The following LAMP2 variants were observed in gnomAD, a reference collection of about 807,000 sequenced individuals.
LAMP2 encodes the protein lysosome associated membrane protein 2.
In LAMP2, 4 loss-of-function variants were observed where a neutral mutation model predicts 25.6. The ratio of observed to expected loss-of-function variants is 0.16; its 90% CI spans 0.08 to 0.36. The LOEUF (loss-of-function observed/expected upper bound fraction) is 0.36. LAMP2 is among the 10% of genes least tolerant of loss of function. The probability of loss-of-function intolerance (pLI) is 1.00; values close to 1 mark genes in which losing one functional copy is unlikely to be tolerated. For synonymous variants in LAMP2, 108 were observed against 112.7 expected, an observed-to-expected ratio of 0.96 and a Z score of 0.27; for missense variants, 272 against 301.4, an observed-to-expected ratio of 0.90 and a Z score of 0.72.
intron 6 of LAMP2, among the ~76,000 whole-genome samples, chrX:120,442,865 G>C (rs1390464433): frequency 8.9e-6 from 1 of 111,757 alleles, no homozygotes; most frequent in Non-Finnish European, 1.9e-5. Context: ...TCCAACTTTT[G>C]GAGCACAGGT....
At chrX:120,459,633 T>C (rs1363567104) in intron 1 of LAMP2, among the ~76,000 whole-genome samples, 1 of 112,594 alleles carries the variant, frequency 8.9e-6, no homozygotes, top group East Asian at 2.8e-4. Context: ...AATTCTGAGT[T>C]ACCCAATATA....
At chrX:120,460,865 C>T (rs747386260) in intron 1 of LAMP2, among the ~76,000 whole-genome samples, 34 of 112,072 alleles carry the variant, frequency 3.0e-4, no homozygotes, top group African/African-American at 1.1e-3. Flanking sequence ...ACAGGAGAAT[C>T]GTTTGAACCC....
At chrX:120,447,374 C>T (rs769438591) in intron 5 of LAMP2, among the ~76,000 whole-genome samples, 1 of 108,641 alleles carries the variant, frequency 9.2e-6, no homozygotes, top group South Asian at 4.0e-4. Context: ...TGCCACTGCA[C>T]TCCAGCCTGG....
At chrX:120,443,910 G>A (rs910278577) in intron 6 of LAMP2, among the ~76,000 whole-genome samples, 4 of 110,405 alleles carry the variant, frequency 3.6e-5, no homozygotes, top group Non-Finnish European at 7.6e-5. Flanking sequence ...GAATCTGGGA[G>A]GCGGAGGTTG....
At chrX:120,432,120 T>G (rs1257427700) in intron 8 of LAMP2, among the ~76,000 whole-genome samples, 2 of 111,384 alleles carry the variant, frequency 1.8e-5, no homozygotes, top group African/African-American at 6.5e-5. Context: ...CCTTATTACA[T>G]AAGACACACT....
intron 3 of LAMP2, among the ~76,000 whole-genome samples, chrX:120,451,654 CAG>C (rs1310593450): frequency 9.0e-6 from 1 of 110,787 alleles, no homozygotes; most frequent in Non-Finnish European, 1.9e-5. Flanking sequence ...TTAGTAGAGA[CAG>C]GGTTTCACCA....
intron 3 of LAMP2, among the ~76,000 whole-genome samples, chrX:120,451,774 G>C (rs184226223): frequency 2.5e-3 from 278 of 111,680 alleles, no homozygotes; most frequent in Non-Finnish European, 4.7e-3. Flanking sequence ...CCATAAATTA[G>C]TATTCTTGAA....
At chrX:120,440,282 C>T (rs1043330069) in intron 8 of LAMP2, among the ~76,000 whole-genome samples, 1 of 111,788 alleles carries the variant, frequency 8.9e-6, no homozygotes, top group Non-Finnish European at 1.9e-5. Flanking sequence ...AGCGTGCTTA[C>T]TGCATTTCTT....
chrX:120,427,196 T>C lies in LAMP2; in HGVS notation c.*4127A>G, dbSNP rs2058502234. Among the ~76,000 whole-genome samples, 1 of 111,859 alleles carries C rather than the reference T, an allele frequency of 8.9e-6. No individual in the cohort carries two copies. The highest frequency in any genetic ancestry group is 3.2e-5 in the African/African-American group (1 of 30,775). ...AAAAAATTTCTGAAGTGAAGGCAGATCTTTGGGAACTTTTGTTTTTAGTTA... is the reference window on the plus strand; with the variant it reads ...AAAAAATTTCTGAAGTGAAGGCAGACCTTTGGGAACTTTTGTTTTTAGTTA... On this transcript the variant is annotated 3_prime_UTR_variant, in exon 9 of 9. Coordinates refer to ENST00000200639, the MANE Select transcript of LAMP2 (RefSeq NM_002294.3).
intron 8 of LAMP2, among the ~76,000 whole-genome samples, chrX:120,440,264 C>T (rs955403302): frequency 1.8e-5 from 2 of 111,670 alleles, no homozygotes; most frequent in Admixed American, 1.9e-4. Flanking sequence ...GGACCTCTTA[C>T]TAATTTGAGC....
At chrX:120,465,102 CCA>C (rs373744160) in intron 1 of LAMP2, among the ~76,000 whole-genome samples, 29 of 111,280 alleles carry the variant, frequency 2.6e-4, no homozygotes, top group African/African-American at 9.2e-4. Flanking sequence ...CTTTCTTCTC[CCA>C]TTAAAATGTA....
chrX:120,436,859 T>C lies in LAMP2; in HGVS notation c.1093+4871A>G, dbSNP rs192985244. ...AAAACAGTGTTTATTAGAGGTATTT[T>C]ACTATGAATCAGGCATATAATCTGA... On this transcript the variant is annotated intron_variant, in intron 8 of 8. Coordinates refer to ENST00000200639, the MANE Select transcript of LAMP2 (RefSeq NM_002294.3). 37 of 737,102 alleles carry C rather than the reference T, an allele frequency of 5.0e-5. No homozygotes were observed. The Middle Eastern group carries it at 2.3e-3, about 46-fold the overall frequency. The allele number at this position is 737,102 out of a possible 1,213,427, so 60.7% of individuals were successfully genotyped here.
chrX:120,450,922 CTT>C (rs990155512), intron 3 of LAMP2, among the ~76,000 whole-genome samples: 8 of 109,092 alleles, frequency 7.3e-5, no homozygotes, highest in Non-Finnish European at 1.3e-4. Context: ...ATATACGTAA[CTT>C]ATATATATAT....
chrX:120,429,367 G>T lies in LAMP2; in HGVS notation c.*1956C>A. On this transcript the variant is annotated 3_prime_UTR_variant, in exon 9 of 9. Coordinates refer to ENST00000200639, the MANE Select transcript of LAMP2 (RefSeq NM_002294.3). ...GTACTAGCCAAAGGACCTTGGGCAAGTTATTTAAACTGGGCCTCACTTTCC... is the reference window on the plus strand; with the variant it reads ...GTACTAGCCAAAGGACCTTGGGCAATTTATTTAAACTGGGCCTCACTTTCC... 1 of 621,032 alleles carries T rather than the reference G, an allele frequency of 1.6e-6. No homozygotes were observed. Among genetic ancestry groups the T allele is most frequent in the Non-Finnish European group, 1.9e-6 (1 of 518,068 alleles). 51.2% of individuals were successfully genotyped at this position (621,032 alleles called of 1,213,427 possible).
At chrX:120,454,914 T>TAC (rs1359256217) in intron 3 of LAMP2, among the ~76,000 whole-genome samples, 1,014 of 69,766 alleles carry the variant, frequency 0.015, 6 homozygotes, top group African/African-American at 0.018. Context: ...TATATATATA[T>TAC]ACACACACAC....
In LAMP2 at chrX:120,442,783, G is replaced by A. The variant is rs58622214; in HGVS notation, c.865-121C>T. ...TATTACACAGAAGAAGAAATCATGC[G>A]GTAGAATAAACTGCAACTAAGTAAA... On this transcript the variant is annotated intron_variant, in intron 6 of 8. Coordinates refer to ENST00000200639, the MANE Select transcript of LAMP2 (RefSeq NM_002294.3). 0.023 allele frequency: 13,317 copies of A among 566,784 alleles called. 1,070 individuals are homozygous for A. In the African/African-American group the frequency reaches 0.25, roughly 11 times the overall value. 46.7% of individuals were successfully genotyped at this position (566,784 alleles called of 1,213,427 possible).
intron 8 of LAMP2, among the ~76,000 whole-genome samples, chrX:120,439,703 G>A (rs745423535): frequency 1.8e-5 from 2 of 109,937 alleles, no homozygotes; most frequent in South Asian, 3.8e-4. Flanking sequence ...ATATATGTGT[G>A]CATATACATA....
At chrX:120,462,859 T>C (rs1602544024) in intron 1 of LAMP2, among the ~76,000 whole-genome samples, 1 of 112,191 alleles carries the variant, frequency 8.9e-6, no homozygotes, top group East Asian at 2.8e-4. Context: ...AGAATTATAG[T>C]GCATATTTCT....
At chrX:120,467,239 C>T (rs1168819823) in intron 1 of LAMP2, among the ~76,000 whole-genome samples, 2 of 111,030 alleles carry the variant, frequency 1.8e-5, no homozygotes, top group South Asian at 7.5e-4. Context: ...AATCAAGAAC[C>T]CTTCCAATAC....
Sources: gnomAD v4.1 joint callset for allele counts (sites outside exome capture counted in the v4.1 genomes callset) on GRCh38, gnomAD v4.1.1 for gene constraint, MANE v1.5 for transcripts, NCBI Gene and HGNC (gene_info 2026-07-23, HGNC 2026-07-21) for gene names.